ADAMTS12: variants seen among roughly 807,000 people sequenced by gnomAD.
The protein encoded by ADAMTS12 is ADAM metallopeptidase with thrombospondin type 1 motif 12.
In ADAMTS12, 118 loss-of-function variants were observed where a neutral mutation model predicts 167.8. The ratio of observed to expected loss-of-function variants is 0.70; its 90% CI spans 0.61 to 0.82. The LOEUF is 0.82. Among genes scored for constraint, ADAMTS12 ranks in the 40% least tolerant of loss-of-function variants. ADAMTS12 has a pLI of 0.00. For missense variants in ADAMTS12, 1,916 were observed against 1,998.8 expected (o/e 0.96, Z 0.79); for synonymous variants, 704 against 716.9 (o/e 0.98, Z 0.29).
intron 2 of ADAMTS12, among the ~76,000 whole-genome samples, chr5:33,770,852 T>C (rs28752161): frequency 6.7e-6 from 1 of 149,926 alleles, no homozygotes. Flanking sequence ...CCTCCTCCTC[T>C]TCCTCCTCCT....
At chr5:33,699,678 A>AACAATTAAT (rs1268360663) in intron 3 of ADAMTS12, among the ~76,000 whole-genome samples, 3 of 152,214 alleles carry the variant, frequency 2.0e-5, no homozygotes, top group Non-Finnish European at 4.4e-5. Flanking sequence ...AAAAGCCACC[A>AACAATTAAT]GATTGTTGTA....
intron 2 of ADAMTS12, among the ~76,000 whole-genome samples, chr5:33,760,910 TGTGTGTGTGTGC>T (rs1291186584): frequency 6.7e-6 from 1 of 150,292 alleles, no homozygotes; most frequent in African/African-American, 2.5e-5. Context: ...TGTGTGTGTG[TGTGTGTGTGTGC>T]GTATGCGCTT....
chr5:33,721,145 T>A (rs756442020), intron 3 of ADAMTS12, among the ~76,000 whole-genome samples: 1 of 152,136 alleles, frequency 6.6e-6, no homozygotes, highest in Non-Finnish European at 1.5e-5. Flanking sequence ...TTCACCCATA[T>A]GAAACACCAA....
At chr5:33,634,415 A>T (rs1044402429) in intron 12 of ADAMTS12, among the ~76,000 whole-genome samples, 1 of 152,120 alleles carries the variant, frequency 6.6e-6, no homozygotes, top group Admixed American at 6.6e-5. Flanking sequence ...AAGAGAAGGG[A>T]TCTGTGGTGT....
At chr5:33,607,216 C>CCAATGCAATG (rs148668371) in intron 16 of ADAMTS12, among the ~76,000 whole-genome samples, 76 of 151,400 alleles carry the variant, frequency 5.0e-4, no homozygotes, top group Non-Finnish European at 9.7e-4. Context: ...TGTGACAGGC[C>CCAATGCAATG]CAATGCAATG....
At chr5:33,685,918 G>A (rs185036650) in intron 3 of ADAMTS12, among the ~76,000 whole-genome samples, 27 of 152,180 alleles carry the variant, frequency 1.8e-4, no homozygotes, top group Admixed American at 4.6e-4. Flanking sequence ...GTTTCAAACC[G>A]CTATCTGCTT....
At chr5:33,775,450 G>C (rs1252450474) in intron 2 of ADAMTS12, among the ~76,000 whole-genome samples, 5 of 152,100 alleles carry the variant, frequency 3.3e-5, no homozygotes, top group African/African-American at 1.2e-4. Flanking sequence ...AATAAATCAT[G>C]TTTAATTTAC....
At chr5:33,880,925 CTT>C in intron 2 of ADAMTS12, 192 bp downstream of exon 2, 1 of 759,432 alleles carries the variant, frequency 1.3e-6, no homozygotes, top group Non-Finnish European at 2.0e-6. Context: ...TGCCCTTACT[CTT>C]TGTATCTCTC....
intron 16 of ADAMTS12, among the ~76,000 whole-genome samples, chr5:33,608,617 C>T (rs114223667): frequency 0.031 from 4,720 of 152,218 alleles, 266 homozygotes; most frequent in African/African-American, 0.11. Flanking sequence ...CACCTTTTCA[C>T]GTGCAACTGC....
At position 33,553,103 on chromosome 5, in the gene ADAMTS12, C is replaced by T. The variant is rs150817869; in HGVS notation, c.4126-3720G>A. Among the ~76,000 whole-genome samples the T allele has an allele frequency of 3.3e-4, 50 of 152,140 alleles. No individual in the cohort carries two copies. In the East Asian group the frequency reaches 8.1e-3, roughly 25 times the overall value. On this transcript the variant is annotated intron_variant, in intron 20 of 23. Transcript: ENST00000504830. ...AAAAGACATACACGCGGTCAACAAT[C>T]ACATGAAAAAAAGCTCAATATCACT...
chr5:33,671,395 A>T (rs1391479959), intron 5 of ADAMTS12, among the ~76,000 whole-genome samples: 1 of 152,214 alleles, frequency 6.6e-6, no homozygotes. Context: ...TTGTACTAAG[A>T]TTACACAAGA....
At chr5:33,862,194 AAGAT>A (rs1294690405) in intron 2 of ADAMTS12, among the ~76,000 whole-genome samples, 2 of 152,154 alleles carry the variant, frequency 1.3e-5, no homozygotes, top group African/African-American at 4.8e-5. Context: ...AGAATTGAAA[AAGAT>A]AGAGACATGA....
At position 33,637,646 on chromosome 5, in the gene ADAMTS12, G is replaced by A; in HGVS notation, c.1819C>T (p.Gln607Ter). The A allele has an allele frequency of 6.2e-7, 1 of 1,613,790 alleles. No individual in the cohort carries two copies. The highest frequency in any genetic ancestry group is 8.5e-7 in the Non-Finnish European group (1 of 1,179,742). The change falls in exon 12 of 24, where the codon CAG (glutamine) becomes TAG (stop). Residue 607 changes from glutamine (Q) to a stop codon, truncating the protein, a stop_gained. Coordinates refer to ENST00000504830, the MANE Select transcript of ADAMTS12 (RefSeq NM_030955.4). LOFTEE classifies it high-confidence loss of function. ...GGAACAGTGTCAAATTCACTGCACT[G>A]CATCTGCCGAAATGTTGGTGCCTCT... The part of the protein sequence containing the change: ...RSEAPTFRQM[Q>*]CSEFDTVPYK...
intron 2 of ADAMTS12, among the ~76,000 whole-genome samples, chr5:33,822,753 C>T (rs987120239): frequency 6.6e-6 from 1 of 151,930 alleles, no homozygotes; most frequent in African/African-American, 2.4e-5. Flanking sequence ...AAAATAAAAT[C>T]ATGATTCTAA....
intron 2 of ADAMTS12, among the ~76,000 whole-genome samples, chr5:33,833,788 T>A (rs921064135): frequency 3.9e-5 from 6 of 152,172 alleles, no homozygotes; most frequent in Non-Finnish European, 8.8e-5. Flanking sequence ...AAAAAATTCA[T>A]GACTCGGGAA....
intron 16 of ADAMTS12, among the ~76,000 whole-genome samples, chr5:33,608,824 A>G (rs910789463): frequency 6.6e-6 from 1 of 152,200 alleles, no homozygotes; most frequent in Non-Finnish European, 1.5e-5. Context: ...TGTGGTGATA[A>G]GCCTCGGATC....
intron 5 of ADAMTS12, among the ~76,000 whole-genome samples, chr5:33,668,486 T>C (rs556904133): frequency 6.6e-6 from 1 of 152,266 alleles, no homozygotes; most frequent in Admixed American, 6.5e-5. Flanking sequence ...TACATTACAG[T>C]TAAATCTGCT....
At chr5:33,611,181 A>C (rs1738710718) in intron 16 of ADAMTS12, among the ~76,000 whole-genome samples, 1 of 152,214 alleles carries the variant, frequency 6.6e-6, no homozygotes, top group Non-Finnish European at 1.5e-5. Context: ...CCTGAGAAAC[A>C]ATCCTATATA....
chr5:33,632,440 G>A (rs1739990170), intron 12 of ADAMTS12, among the ~76,000 whole-genome samples: 1 of 95,684 alleles, frequency 1.0e-5, no homozygotes, highest in Non-Finnish European at 2.6e-5. Flanking sequence ...AAAGATAAAA[G>A]CAAATATGTA....
Sources: gnomAD v4.1 joint callset for allele counts (sites outside exome capture counted in the v4.1 genomes callset) on GRCh38, gnomAD v4.1.1 for gene constraint, MANE v1.5 for transcripts, NCBI Gene and HGNC (gene_info 2026-07-23, HGNC 2026-07-21) for gene names.